RAB3C: variants seen among roughly 807,000 people sequenced by gnomAD.
The protein encoded by RAB3C is ras-related protein Rab-3C.
Under a neutral mutation model 26.4 loss-of-function variants are expected in RAB3C, and 17 were observed. That is an observed-to-expected ratio of 0.64 (90% CI 0.44 to 0.97). The LOEUF (loss-of-function observed/expected upper bound fraction) is 0.97, where lower values mean the gene tolerates loss of function less well. RAB3C is among the 50% of genes least tolerant of loss of function. RAB3C has a pLI of 0.00. For synonymous variants in RAB3C, 91 were observed against 95.9 expected, an observed-to-expected ratio of 0.95 and a Z score of 0.30; for missense variants, 242 against 281.9, an observed-to-expected ratio of 0.86 and a Z score of 1.01.
intron 3 of RAB3C, among the ~76,000 whole-genome samples, chr5:58,748,902 C>T (rs1741461789): frequency 6.6e-6 from 1 of 152,126 alleles, no homozygotes; most frequent in Non-Finnish European, 1.5e-5. Flanking sequence ...TATTTCCAGA[C>T]CATGGCAGTT....
chr5:58,591,666 C>A (rs1746130012), intron 1 of RAB3C, among the ~76,000 whole-genome samples: 1 of 149,414 alleles, frequency 6.7e-6, no homozygotes, highest in South Asian at 2.1e-4. Flanking sequence ...ATCTTGTGGT[C>A]AGTATAGAGT....
chr5:58,648,056 G>A (rs879752231), intron 2 of RAB3C, among the ~76,000 whole-genome samples: 1 of 152,078 alleles, frequency 6.6e-6, no homozygotes, highest in Non-Finnish European at 1.5e-5. Flanking sequence ...AATTCCATGG[G>A]TATAAGCTGA....
intron 2 of RAB3C, among the ~76,000 whole-genome samples, chr5:58,722,908 G>C (rs1378904703): frequency 6.6e-6 from 1 of 151,720 alleles, no homozygotes; most frequent in Non-Finnish European, 1.5e-5. Context: ...TTCAAATAGT[G>C]GCCAAGTAAT....
At chr5:58,591,173 G>T (rs1490862971) in intron 1 of RAB3C, among the ~76,000 whole-genome samples, 1 of 152,116 alleles carries the variant, frequency 6.6e-6, no homozygotes, top group Non-Finnish European at 1.5e-5. Flanking sequence ...CATGTGGACT[G>T]ACTTTATGAA....
At chr5:58,773,835 A>G (rs1742072826) in intron 3 of RAB3C, among the ~76,000 whole-genome samples, 1 of 152,046 alleles carries the variant, frequency 6.6e-6, no homozygotes, top group Non-Finnish European at 1.5e-5. Context: ...TATTCCAACC[A>G]TCTGCTTTTT....
chr5:58,844,711 G>A (rs10064933), intron 4 of RAB3C, among the ~76,000 whole-genome samples: 9,063 of 152,204 alleles, frequency 0.06, 370 homozygotes, highest in East Asian at 0.13. Flanking sequence ...AGGAGCTTGG[G>A]AATAGAAACT....
At chr5:58,810,387 G>GTCTC (rs1561138315) in intron 3 of RAB3C, among the ~76,000 whole-genome samples, 1 of 141,330 alleles carries the variant, frequency 7.1e-6, no homozygotes, top group African/African-American at 2.6e-5. Context: ...CTCTCTCTCT[G>GTCTC]TGTGTGTGTG....
intron 2 of RAB3C, among the ~76,000 whole-genome samples, chr5:58,643,409 A>C (rs1352714406): frequency 6.6e-6 from 1 of 152,186 alleles, no homozygotes; most frequent in Non-Finnish European, 1.5e-5. Context: ...AGCTATTCTG[A>C]TTCTGGTGAC....
chr5:58,704,490 GA>G (rs1359351764), intron 2 of RAB3C, among the ~76,000 whole-genome samples: 3 of 152,112 alleles, frequency 2.0e-5, no homozygotes, highest in Non-Finnish European at 4.4e-5. Context: ...TTAGTGAGGT[GA>G]AAAGTAATCT....
intron 2 of RAB3C, among the ~76,000 whole-genome samples, chr5:58,719,979 C>A (rs1031612990): frequency 6.6e-6 from 1 of 151,798 alleles, no homozygotes; most frequent in African/African-American, 2.4e-5. Context: ...CTGCAATGAC[C>A]CTTTTTCTAA....
At chr5:58,693,643 A>G (rs1234258586) in intron 2 of RAB3C, among the ~76,000 whole-genome samples, 1 of 152,180 alleles carries the variant, frequency 6.6e-6, no homozygotes, top group East Asian at 1.9e-4. Flanking sequence ...GCTACCATAG[A>G]TGGTCCAACA....
rs1746440919 is a variant in RAB3C, at chr5:58,600,971, G to A, written c.25-16672G>A. 4.6e-5 allele frequency among the ~76,000 whole-genome samples: 7 copies of A among 152,214 alleles called. No individual in the cohort carries two copies. The South Asian group carries it at 1.5e-3, about 32-fold the overall frequency. On this transcript the variant is annotated intron_variant, in intron 1 of 4. Coordinates refer to ENST00000282878, the MANE Select transcript of RAB3C (RefSeq NM_138453.4). ...ACTTTTCCCCATTCAGTGTTATGTTGGCTGTGGGTTTGTCACAGATGGCTT... is the reference window on the plus strand; with the variant it reads ...ACTTTTCCCCATTCAGTGTTATGTTAGCTGTGGGTTTGTCACAGATGGCTT...
chr5:58,775,045 T>A (rs1334457400), intron 3 of RAB3C, among the ~76,000 whole-genome samples: 1 of 152,114 alleles, frequency 6.6e-6, no homozygotes, highest in Non-Finnish European at 1.5e-5. Context: ...GCTTCTGTGT[T>A]ATGAATTGAG....
At chr5:58,740,095 A>G (rs1433502023) in intron 3 of RAB3C, among the ~76,000 whole-genome samples, 1 of 152,158 alleles carries the variant, frequency 6.6e-6, no homozygotes, top group African/African-American at 2.4e-5. Flanking sequence ...ACTTGTTAGT[A>G]TCTGGTTGTT....
At chr5:58,615,682 C>T (rs891171998) in intron 1 of RAB3C, among the ~76,000 whole-genome samples, 21 of 152,098 alleles carry the variant, frequency 1.4e-4, no homozygotes, top group African/African-American at 5.1e-4. Context: ...CCGACCTCTG[C>T]CCACTGGGAA....
intron 3 of RAB3C, among the ~76,000 whole-genome samples, chr5:58,807,424 A>C (rs1043560740): frequency 3.3e-5 from 5 of 152,222 alleles, no homozygotes; most frequent in Non-Finnish European, 5.9e-5. Flanking sequence ...GCTACTATGC[A>C]GTAGGTCTTA....
At chr5:58,830,531 T>C (rs1353811814) in intron 4 of RAB3C, among the ~76,000 whole-genome samples, 2 of 152,212 alleles carry the variant, frequency 1.3e-5, no homozygotes, top group East Asian at 3.9e-4. Flanking sequence ...AAGTGGATTT[T>C]AAGAACCATG....
chr5:58,664,667 T>C (rs1019120363), intron 2 of RAB3C, among the ~76,000 whole-genome samples: 1 of 152,136 alleles, frequency 6.6e-6, no homozygotes, highest in Non-Finnish European at 1.5e-5. Context: ...TTATATCATT[T>C]CTTAAAACTG....
At chr5:58,767,765 T>C (rs187600502) in intron 3 of RAB3C, among the ~76,000 whole-genome samples, 8 of 152,318 alleles carry the variant, frequency 5.3e-5, no homozygotes, top group Admixed American at 1.3e-4. Flanking sequence ...CCTACTATTA[T>C]GTCACGCATT....
Sources: gnomAD v4.1 joint callset for allele counts (sites outside exome capture counted in the v4.1 genomes callset) on GRCh38, gnomAD v4.1.1 for gene constraint, MANE v1.5 for transcripts, NCBI Gene and HGNC (gene_info 2026-07-23, HGNC 2026-07-21) for gene names.